The following THSD4 variants were observed in gnomAD, a reference collection of about 807,000 sequenced individuals.
THSD4 encodes the protein thrombospondin type 1 domain containing 4, also known as thrombospondin type-1 domain-containing protein 4.
Under a neutral mutation model 119.0 loss-of-function variants are expected in THSD4, and 69 were observed. The observed-to-expected ratio is 0.58, with a 90% CI of 0.48 to 0.71. The LOEUF (loss-of-function observed/expected upper bound fraction) is 0.71. Ranked by LOEUF, THSD4 falls within the 30% of genes least tolerant of loss-of-function variation. The pLI, the probability that THSD4 is intolerant of heterozygous loss-of-function variation, is 0.00. For synonymous variants in THSD4, 524 were observed against 540.4 expected (o/e 0.97, Z 0.42); for missense variants, 1,393 against 1,391.1 (o/e 1.00, Z -0.02).
intron 17 of THSD4, 143 bp from the exon 18 acceptor site, chr15:71,777,089 G>A: frequency 1.2e-6 from 1 of 867,622 alleles, no homozygotes; most frequent in Non-Finnish European, 1.8e-6. Context: ...AAACCTGTGA[G>A]CCCTTGGCAC....
intron 8 of THSD4, among the ~76,000 whole-genome samples, chr15:71,689,173 C>T (rs753434858): frequency 1.1e-4 from 17 of 152,196 alleles, no homozygotes; most frequent in Non-Finnish European, 1.8e-4. Context: ...GAAATTTCTA[C>T]GAAGTGTTTT....
rs57882308 is a variant in THSD4 at position 71,173,567 on chromosome 15, C to CAT, written c.99+18655_99+18656dup. Among the ~76,000 whole-genome samples the CAT allele has an allele frequency of 8.0e-3, 1,172 of 145,922 alleles. 6 individuals are homozygous for CAT. The highest frequency in any genetic ancestry group is 0.023 in the African/African-American group (906 of 39,658). ...AAAAATAGACCTACACACACACACA[C>CAT]ATATATATATATATATATATACATT... is the stretch of plus-strand genomic sequence containing the variant. On this transcript the variant is annotated intron_variant, in intron 3 of 17. Coordinates refer to ENST00000261862, the MANE Select transcript of THSD4 (RefSeq NM_024817.3).
chr15:71,150,095 G>A (rs971940280), intron 2 of THSD4, among the ~76,000 whole-genome samples: 8 of 152,174 alleles, frequency 5.3e-5, no homozygotes, highest in Non-Finnish European at 1.2e-4. Context: ...TTGGAAAGGA[G>A]TGTGGGATTT....
chr15:71,172,531 C>A (rs2043379149), intron 3 of THSD4, among the ~76,000 whole-genome samples: 1 of 149,232 alleles, frequency 6.7e-6, no homozygotes, highest in South Asian at 2.1e-4. Context: ...CTAAAATAGC[C>A]AAAACAAATT....
chr15:71,213,062 C>T (rs964214479), intron 3 of THSD4, among the ~76,000 whole-genome samples: 3 of 152,228 alleles, frequency 2.0e-5, no homozygotes, highest in Admixed American at 2.0e-4. Context: ...TTGCTTAAAA[C>T]AACAGACATT....
At chr15:71,314,350 C>A (rs1036493845) in intron 6 of THSD4, among the ~76,000 whole-genome samples, 1 of 152,022 alleles carries the variant, frequency 6.6e-6, no homozygotes, top group African/African-American at 2.4e-5. Context: ...CTCTGTCACC[C>A]AGGCTGGAGT....
chr15:71,510,429 G>T (rs1056524752), intron 7 of THSD4, among the ~76,000 whole-genome samples: 1 of 152,178 alleles, frequency 6.6e-6, no homozygotes, highest in African/African-American at 2.4e-5. Flanking sequence ...ATAAATGCAC[G>T]GACATAGAAT....
At chr15:71,477,336 G>C (rs115842287) in intron 7 of THSD4, among the ~76,000 whole-genome samples, 2 of 152,170 alleles carry the variant, frequency 1.3e-5, no homozygotes, top group Admixed American at 6.5e-5. Flanking sequence ...GCAAAACCGT[G>C]TTTAGAATGG....
At chr15:71,595,346 A>T (rs1335059686) in intron 7 of THSD4, among the ~76,000 whole-genome samples, 2 of 152,294 alleles carry the variant, frequency 1.3e-5, no homozygotes, top group African/African-American at 4.8e-5. Context: ...TAATTTAATG[A>T]TGGGGGCTGG....
intron 11 of THSD4, among the ~76,000 whole-genome samples, chr15:71,740,883 C>T (rs1398652315): frequency 1.3e-5 from 2 of 151,640 alleles, no homozygotes; most frequent in South Asian, 2.1e-4. Flanking sequence ...AACAGGTAGG[C>T]ATTTCATCCT....
At chr15:71,640,906 G>A (rs1440070734) in intron 7 of THSD4, among the ~76,000 whole-genome samples, 1 of 151,756 alleles carries the variant, frequency 6.6e-6, no homozygotes, top group South Asian at 2.1e-4. Context: ...GCACACGGTC[G>A]ATGTTTAATT....
intron 7 of THSD4, among the ~76,000 whole-genome samples, chr15:71,535,063 A>G (rs955672152): frequency 6.6e-6 from 1 of 152,268 alleles, no homozygotes; most frequent in East Asian, 1.9e-4. Flanking sequence ...AACTCTCACC[A>G]TAGTATAACT....
In THSD4 at chr15:71,782,509, A is replaced by G. The variant is rs1017596802; in HGVS notation, c.*5135A>G. 5 of 152,226 alleles carry G rather than the reference A, an allele frequency of 3.3e-5. No individual in the cohort carries two copies. Among genetic ancestry groups the G allele is most frequent in the African/African-American group, 1.2e-4 (5 of 41,452 alleles). The allele number at this position is 152,226 out of a possible 1,614,324, so 9.4% of individuals were successfully genotyped here. On this transcript the variant is annotated 3_prime_UTR_variant, in exon 18 of 18. Coordinates refer to ENST00000261862, the MANE Select transcript of THSD4 (RefSeq NM_024817.3). ...TATCTGCAGAATGAGTCACTACACC[A>G]AAATAGTTCTATTATTTAGAATGTG...
At chr15:71,236,833 C>T (rs536124506) in intron 4 of THSD4, among the ~76,000 whole-genome samples, 2 of 152,256 alleles carry the variant, frequency 1.3e-5, no homozygotes, top group African/African-American at 4.8e-5. Context: ...ACATGAGGCC[C>T]AGTGGAAGGA....
rs900783293 is a variant in THSD4 at position 71,638,107 on chromosome 15, GT to G, written c.1153-22418del. On this transcript the variant is annotated intron_variant, in intron 7 of 17. Transcript: ENST00000261862. ...TTTTATATTATGTTTATTTTACCAC[GT>G]TTTTGTTTTAAAAAGTGCAGGAAGC... 3.5e-4 allele frequency among the ~76,000 whole-genome samples: 53 copies of G among 152,248 alleles called. 2 individuals carry two copies. The South Asian group carries it at 4.1e-3, about 12-fold the overall frequency.
At chr15:71,584,079 G>A (rs1018046090) in intron 7 of THSD4, among the ~76,000 whole-genome samples, 1 of 151,936 alleles carries the variant, frequency 6.6e-6, no homozygotes, top group Non-Finnish European at 1.5e-5. Context: ...CTCCAATGTT[G>A]GGTGTGTATG....
At chr15:71,357,411 G>A (rs1283838779) in intron 6 of THSD4, among the ~76,000 whole-genome samples, 1 of 152,176 alleles carries the variant, frequency 6.6e-6, no homozygotes. Context: ...GAGCTGACAG[G>A]CTCACTCTGC....
At chr15:71,317,544 C>T (rs1596333181) in intron 6 of THSD4, among the ~76,000 whole-genome samples, 2 of 152,168 alleles carry the variant, frequency 1.3e-5, no homozygotes, top group South Asian at 2.1e-4. Context: ...AACACACCCC[C>T]ATGATTCAGG....
In THSD4 at chr15:71,581,140, G is replaced by A. The variant is rs115782089; in HGVS notation, c.1153-79390G>A. ...TAATGCTATGAAGAGCCTGTATACT[G>A]TTTTCCTTAATGACCATACCAGTTT... On this transcript the variant is annotated intron_variant, in intron 7 of 17. Transcript: ENST00000261862. Among the ~76,000 whole-genome samples, 160 of 152,220 alleles carry A rather than the reference G, an allele frequency of 1.1e-3. 1 individual carries two copies. Among genetic ancestry groups the A allele is most frequent in the African/African-American group, 3.8e-3 (157 of 41,556 alleles).
Sources: gnomAD v4.1 joint callset for allele counts (sites outside exome capture counted in the v4.1 genomes callset) on GRCh38, gnomAD v4.1.1 for gene constraint, MANE v1.5 for transcripts, NCBI Gene and HGNC (gene_info 2026-07-23, HGNC 2026-07-21) for gene names.